The following COX6B1 variants were observed in gnomAD, a reference collection of about 807,000 sequenced individuals.
COX6B1 encodes cytochrome c oxidase subunit 6B1, also known as COX VIb-1.
Under a neutral mutation model 14.0 loss-of-function variants are expected in COX6B1, and 2 were observed. That is an observed-to-expected ratio of 0.14 (90% CI 0.06 to 0.45). COX6B1 has a LOEUF of 0.45. Ranked by LOEUF, COX6B1 falls within the 20% of genes least tolerant of loss-of-function variation. The probability of loss-of-function intolerance (pLI) is 0.98; values close to 1 mark genes in which losing one functional copy is unlikely to be tolerated. For missense variants in COX6B1, 81 were observed against 114.2 expected, an observed-to-expected ratio of 0.71 and a Z score of 1.33; for synonymous variants, 30 against 39.7, an observed-to-expected ratio of 0.76 and a Z score of 0.92.
rs1192141047 is a variant in COX6B1, at chr19:35,657,650, A to ATTTTT, written c.208-926_208-922dup. Among the ~76,000 whole-genome samples the ATTTTT allele has an allele frequency of 2.4e-4, 28 of 115,522 alleles. 1 individual carries two copies. Among genetic ancestry groups the ATTTTT allele is most frequent in the South Asian group, 5.8e-4 (2 of 3,446 alleles). 75.8% of individuals were successfully genotyped at this position (115,522 alleles called of 152,430 possible). A position where few individuals can be genotyped will look rare whatever the true frequency, so the allele number is the denominator to read the frequency against. ...ACATAGGCCTTATATGGGCCTTTTCATTTTTTTTTTTTTTTTTTTTTTAGA... is the reference window on the plus strand; with the variant it reads ...ACATAGGCCTTATATGGGCCTTTTCATTTTTTTTTTTTTTTTTTTTTTTTTTTAGA... On this transcript the variant is annotated intron_variant, in intron 3 of 3. Transcript: ENST00000649813.
intron 2 of COX6B1, among the ~76,000 whole-genome samples, chr19:35,652,679 C>T (rs1261133206): frequency 6.6e-6 from 1 of 151,406 alleles, no homozygotes; most frequent in South Asian, 2.1e-4. Flanking sequence ...CTCCTGACCT[C>T]AGGTGATCCA....
At chr19:35,652,749 C>A (rs535221533) in intron 2 of COX6B1, among the ~76,000 whole-genome samples, 1 of 151,716 alleles carries the variant, frequency 6.6e-6, no homozygotes, top group East Asian at 1.9e-4. Flanking sequence ...CCCGGCCTCA[C>A]ATCTTTGTTT....
At chr19:35,652,965 AT>A (rs1330598420) in intron 2 of COX6B1, among the ~76,000 whole-genome samples, 2,264 of 121,736 alleles carry the variant, frequency 0.019, 43 homozygotes, top group African/African-American at 0.061. Context: ...CACCCAGCTA[AT>A]TTTTTTTTTT....
intron 2 of COX6B1, 144 bp from the exon 3 acceptor site, chr19:35,654,427 C>G (rs957865337): frequency 2.8e-6 from 2 of 704,026 alleles, no homozygotes; most frequent in African/African-American, 3.5e-5. Flanking sequence ...ATCACTTGAA[C>G]CCAGGAGGAG....
chr19:35,651,159 C>T, intron 1 of COX6B1, 74 bp from the exon 2 acceptor site: 1 of 881,526 alleles, frequency 1.1e-6, no homozygotes, highest in Non-Finnish European at 1.9e-6. Flanking sequence ...CTGCCCTCTT[C>T]CATTGATCCT....
intron 3 of COX6B1, among the ~76,000 whole-genome samples, chr19:35,657,879 ACTCCTGGGCTCAAG>A (rs1242440173): frequency 1.3e-5 from 2 of 151,590 alleles, no homozygotes; most frequent in African/African-American, 4.8e-5. Flanking sequence ...CTGGTCTCAA[ACTCCTGGGCTCAAG>A]CGATCCTCCC....
At chr19:35,653,855 A>G (rs2146371751) in intron 2 of COX6B1, among the ~76,000 whole-genome samples, 1 of 152,246 alleles carries the variant, frequency 6.6e-6, no homozygotes, top group East Asian at 1.9e-4. Flanking sequence ...GGCATGAGCC[A>G]CTAGGTCCAG....
chr19:35,649,456 G>T (rs992238813), intron 1 of COX6B1, among the ~76,000 whole-genome samples: 3 of 151,072 alleles, frequency 2.0e-5, no homozygotes, highest in Non-Finnish European at 4.4e-5. Flanking sequence ...ACAGGCACGC[G>T]CCACCACACC....
chr19:35,653,038 G>A lies in COX6B1; in HGVS notation c.107-1533G>A, dbSNP rs555509502. The stretch of plus-strand genomic sequence containing the variant: ...GGTTGGAGTGCAGTGGTGCAATCTC[G>A]ACTCACTGCAACCTCCGCCTCCCAG... On this transcript the variant is annotated intron_variant, in intron 2 of 3. Transcript: ENST00000649813. Among the ~76,000 whole-genome samples the A allele has an allele frequency of 1.2e-4, 18 of 146,468 alleles. 1 individual carries two copies. Among genetic ancestry groups the A allele is most frequent in the Non-Finnish European group, 2.5e-4 (17 of 67,308 alleles).
In COX6B1 at chr19:35,658,588, C is replaced by G; in HGVS notation, c.208-6C>G. On this transcript the variant is annotated splice_region_variant and splice_polypyrimidine_tract_variant and intron_variant, in intron 3 of 3. Coordinates refer to ENST00000649813, the MANE Select transcript of COX6B1 (RefSeq NM_001863.5). ...CTGCGGAGGGAATAACACTGTCTTT[C>G]CACAGGTCACAGACTGGGATGAGCA... 1.9e-6 allele frequency: 3 copies of G among 1,613,700 alleles called. No homozygotes were observed. The highest frequency in any genetic ancestry group is 2.7e-5 in the African/African-American group (2 of 75,056).
chr19:35,651,379 CTCG>C, intron 2 of COX6B1, 30 bp downstream of exon 2: 1 of 1,543,516 alleles, frequency 6.5e-7, no homozygotes. Flanking sequence ...GGCCACATAC[CTCG>C]AGTCACTCAC....
At chr19:35,651,490 T>G in intron 2 of COX6B1, 141 bp downstream of exon 2, 1 of 708,688 alleles carries the variant, frequency 1.4e-6, no homozygotes. Flanking sequence ...TCACCTGCTG[T>G]TCAGGTCCAG....
chr19:35,649,240 A>T, intron 1 of COX6B1, among the ~76,000 whole-genome samples: 1 of 152,146 alleles, frequency 6.6e-6, no homozygotes, highest in East Asian at 1.9e-4. Context: ...TGTTTTTACT[A>T]ACCTTTTGAG....
chr19:35,652,482 A>G (rs543775004), intron 2 of COX6B1, among the ~76,000 whole-genome samples: 5 of 151,646 alleles, frequency 3.3e-5, no homozygotes, highest in African/African-American at 9.7e-5. Context: ...CCCAGGCTGG[A>G]GTGCAATGTC....
At position 35,656,566 on chromosome 19, in the gene COX6B1, C is replaced by T. The variant is rs144142789; in HGVS notation, c.207+1895C>T. Among the ~76,000 whole-genome samples the T allele has an allele frequency of 1.6e-3, 239 of 151,246 alleles. 1 individual carries two copies. Among genetic ancestry groups the T allele is most frequent in the African/African-American group, 5.5e-3 (225 of 41,162 alleles). On this transcript the variant is annotated intron_variant, in intron 3 of 3. Coordinates refer to ENST00000649813, the MANE Select transcript of COX6B1 (RefSeq NM_001863.5). The stretch of plus-strand genomic sequence containing the variant: ...TGCAATCTCAGCTCACTGCAACCTC[C>T]GCCTTCCAGGTTCAGGCGATTCCCC...
chr19:35,652,971 T>TGTA (rs1311890404), intron 2 of COX6B1, among the ~76,000 whole-genome samples: 1 of 148,638 alleles, frequency 6.7e-6, no homozygotes, highest in Non-Finnish European at 1.5e-5. Context: ...GCTAATTTTT[T>TGTA]TTTTTTTTTT....
Position 35,656,548 on chromosome 19 carries a change from T to G in COX6B1, c.207+1877T>G, listed in dbSNP as rs574816635. On this transcript the variant is annotated intron_variant, in intron 3 of 3. Coordinates refer to ENST00000649813, the MANE Select transcript of COX6B1 (RefSeq NM_001863.5). ...CAGGCTGGAGTGCAGTGGTGCAATC[T>G]CAGCTCACTGCAACCTCCGCCTTCC... Among the ~76,000 whole-genome samples, 5 of 148,222 alleles carry G rather than the reference T, an allele frequency of 3.4e-5. No homozygotes were observed. In the South Asian group the frequency reaches 1.1e-3, roughly 32 times the overall value.
rs200541140 is a variant in COX6B1 at position 35,648,895 on chromosome 19, T to C, written c.-12+492T>C. On this transcript the variant is annotated intron_variant, in intron 1 of 3. Transcript: ENST00000649813. ...TGCACCCTCATCCTCAGATACCGGG[T>C]AGAGATCTCGCCGGTAACGATCCTT... 2,017 of 533,374 alleles carry C rather than the reference T, an allele frequency of 3.8e-3. 24 individuals are homozygous for C. The highest frequency in any genetic ancestry group is 0.02 in the South Asian group (1,417 of 71,584). 33.0% of individuals were successfully genotyped at this position (533,374 alleles called of 1,614,324 possible).
chr19:35,649,238 C>G (rs1967796907), intron 1 of COX6B1, among the ~76,000 whole-genome samples: 1 of 152,142 alleles, frequency 6.6e-6, no homozygotes, highest in South Asian at 2.1e-4. Flanking sequence ...TGTGTTTTTA[C>G]TAACCTTTTG....
Sources: gnomAD v4.1 joint callset for allele counts (sites outside exome capture counted in the v4.1 genomes callset) on GRCh38, gnomAD v4.1.1 for gene constraint, MANE v1.5 for transcripts, NCBI Gene and HGNC (gene_info 2026-07-23, HGNC 2026-07-21) for gene names.